NOL4: variants seen among roughly 807,000 people sequenced by gnomAD.
The protein encoded by NOL4 is nucleolar protein 4, also known as cancer/testis antigen 125.
NOL4 carries 17 observed loss-of-function variants against 75.9 expected under a neutral mutation model. That is an observed-to-expected ratio of 0.22 (90% CI 0.15 to 0.34). NOL4 has a LOEUF of 0.34. NOL4 is among the 10% of genes least tolerant of loss of function. The probability of loss-of-function intolerance (pLI) is 1.00; values close to 1 mark genes in which losing one functional copy is unlikely to be tolerated. For missense variants in NOL4, 614 were observed against 793.5 expected, an observed-to-expected ratio of 0.77 and a Z score of 2.72; for synonymous variants, 292 against 289.9, an observed-to-expected ratio of 1.01 and a Z score of -0.07.
chr18:34,196,154 C>T (rs960402443), intron 1 of NOL4, among the ~76,000 whole-genome samples: 3 of 152,052 alleles, frequency 2.0e-5, no homozygotes, highest in Non-Finnish European at 2.9e-5. Context: ...ATGCTGAAAA[C>T]ATTGTTTCCC....
chr18:34,153,639 C>T (rs1427330164), intron 1 of NOL4, among the ~76,000 whole-genome samples: 1 of 151,928 alleles, frequency 6.6e-6, no homozygotes, highest in Non-Finnish European at 1.5e-5. Context: ...GTCAGGTCAT[C>T]TCTGGAAAGA....
At chr18:33,994,567 TAA>T (rs1421451831) in intron 6 of NOL4, among the ~76,000 whole-genome samples, 1 of 151,816 alleles carries the variant, frequency 6.6e-6, no homozygotes, top group Non-Finnish European at 1.5e-5. Flanking sequence ...AATCAAAAGT[TAA>T]GTTAGAAAAT....
chr18:33,889,470 T>G (rs938386467), intron 9 of NOL4, among the ~76,000 whole-genome samples: 8 of 152,054 alleles, frequency 5.3e-5, no homozygotes, highest in African/African-American at 1.9e-4. Flanking sequence ...AAAGAGGAGC[T>G]GCTACCATTT....
intron 5 of NOL4, among the ~76,000 whole-genome samples, chr18:34,019,902 C>T (rs768759828): frequency 6.6e-6 from 1 of 151,590 alleles, no homozygotes; most frequent in Non-Finnish European, 1.5e-5. Context: ...TGGCTTGGTG[C>T]CATCCCCATG....
intron 9 of NOL4, among the ~76,000 whole-genome samples, chr18:33,942,172 CA>C (rs1260252520): frequency 6.6e-6 from 1 of 151,908 alleles, no homozygotes; most frequent in Non-Finnish European, 1.5e-5. Context: ...ACTGTAGAAT[CA>C]AAATTGAACT....
intron 1 of NOL4, chr18:34,221,978 G>A: frequency 2.0e-6 from 3 of 1,485,512 alleles, no homozygotes; most frequent in Non-Finnish European, 2.7e-6. Flanking sequence ...TACAAAGGAT[G>A]CCAGATAGCC....
intron 5 of NOL4, among the ~76,000 whole-genome samples, chr18:34,076,439 C>G (rs2145332448): frequency 6.6e-6 from 1 of 152,282 alleles, no homozygotes; most frequent in South Asian, 2.1e-4. Context: ...GATTATCTAA[C>G]AATGTGACAA....
At chr18:34,209,037 CCT>C in intron 1 of NOL4, among the ~76,000 whole-genome samples, 1 of 151,230 alleles carries the variant, frequency 6.6e-6, no homozygotes, top group East Asian at 2.0e-4. Context: ...TGGTGAAACC[CCT>C]GTCTCTATTA....
At chr18:34,140,662 G>A (rs1751781446) in intron 1 of NOL4, among the ~76,000 whole-genome samples, 1 of 152,122 alleles carries the variant, frequency 6.6e-6, no homozygotes, top group African/African-American at 2.4e-5. Flanking sequence ...TTTAATTGGA[G>A]CATTTAGCCC....
intron 5 of NOL4, 100 bp downstream of exon 5, chr18:34,093,365 A>C: frequency 8.1e-7 from 1 of 1,231,132 alleles, no homozygotes; most frequent in Non-Finnish European, 1.1e-6. Flanking sequence ...GTAGATTTTT[A>C]AAAATTGACA....
At chr18:34,151,898 G>A (rs900692331) in intron 1 of NOL4, among the ~76,000 whole-genome samples, 2 of 151,798 alleles carry the variant, frequency 1.3e-5, no homozygotes, top group African/African-American at 4.8e-5. Context: ...CTTTGGAGGA[G>A]TGAAAGCCTT....
At chr18:33,859,183 T>G (rs2062974930) in intron 10 of NOL4, among the ~76,000 whole-genome samples, 1 of 152,114 alleles carries the variant, frequency 6.6e-6, no homozygotes, top group African/African-American at 2.4e-5. Flanking sequence ...AATCATTGGT[T>G]CATTAACTTT....
chr18:33,870,234 A>T (rs2063629620), intron 10 of NOL4, among the ~76,000 whole-genome samples: 1 of 152,052 alleles, frequency 6.6e-6, no homozygotes, highest in African/African-American at 2.4e-5. Context: ...AAGTGAAATA[A>T]ACCAGGAACA....
chr18:33,895,739 C>A (rs1176092705), intron 9 of NOL4, among the ~76,000 whole-genome samples: 1 of 152,032 alleles, frequency 6.6e-6, no homozygotes, highest in African/African-American at 2.4e-5. Flanking sequence ...CTTTTGAAAA[C>A]CAGTATAAGA....
intron 10 of NOL4, among the ~76,000 whole-genome samples, chr18:33,878,438 C>A (rs1599715371): frequency 1.3e-5 from 2 of 152,064 alleles, no homozygotes; most frequent in African/African-American, 4.8e-5. Context: ...TGTTTGTAGT[C>A]CCACAGTACC....
Position 34,155,176 on chromosome 18 carries a change from C to CAT in NOL4, c.265-25158_265-25157dup, listed in dbSNP as rs375152744. Reference sequence around the variant, plus strand: ...GGTCAGAGAGATGTTAAAAATGTAACATATATATATATATTTGAAAAATAT... The same window carrying CAT: ...GGTCAGAGAGATGTTAAAAATGTAACATATATATATATATATTTGAAAAATAT... On this transcript the variant is annotated intron_variant, in intron 1 of 10. Transcript: ENST00000261592. Among the ~76,000 whole-genome samples the CAT allele has an allele frequency of 1.5e-3, 221 of 150,510 alleles. 1 individual carries two copies. Among genetic ancestry groups the CAT allele is most frequent in the South Asian group, 4.0e-3 (19 of 4,746 alleles).
At chr18:34,209,152 C>T (rs2097987201) in intron 1 of NOL4, among the ~76,000 whole-genome samples, 1 of 147,770 alleles carries the variant, frequency 6.8e-6, no homozygotes, top group African/African-American at 2.5e-5. Flanking sequence ...TGAGATCACA[C>T]CACTGCACTC....
At chr18:33,875,307 T>C (rs1256104751) in intron 10 of NOL4, among the ~76,000 whole-genome samples, 1 of 152,016 alleles carries the variant, frequency 6.6e-6, no homozygotes, top group African/African-American at 2.4e-5. Context: ...TGCTCCTCAT[T>C]TCAGTTGGAT....
chr18:34,008,568 ATACT>A (rs1176253228), intron 6 of NOL4, among the ~76,000 whole-genome samples: 2 of 151,978 alleles, frequency 1.3e-5, no homozygotes, highest in African/African-American at 2.4e-5. Flanking sequence ...TTGATAAAAA[ATACT>A]TAATTATTTT....
Sources: gnomAD v4.1 joint callset for allele counts (sites outside exome capture counted in the v4.1 genomes callset) on GRCh38, gnomAD v4.1.1 for gene constraint, MANE v1.5 for transcripts, NCBI Gene and HGNC (gene_info 2026-07-23, HGNC 2026-07-21) for gene names.